NRP2: variants seen among roughly 807,000 people sequenced by gnomAD.
NRP2 encodes the protein neuropilin 2.
Under a neutral mutation model 110.4 loss-of-function variants are expected in NRP2, and 52 were observed. The observed-to-expected ratio is 0.47, with a 90% CI of 0.38 to 0.59. The LOEUF (loss-of-function observed/expected upper bound fraction) is 0.59. Ranked by LOEUF, NRP2 falls within the 20% of genes least tolerant of loss-of-function variation. NRP2 has a pLI of 0.00. For synonymous variants in NRP2, 508 were observed against 468.9 expected (o/e 1.08, Z -1.08); for missense variants, 1,049 against 1,203.0 (o/e 0.87, Z 1.89).
At chr2:205,720,600 A>C (rs1458529766) in intron 3 of NRP2, among the ~76,000 whole-genome samples, 2 of 152,118 alleles carry the variant, frequency 1.3e-5, no homozygotes, top group Non-Finnish European at 2.9e-5. Flanking sequence ...TTTCCTCACA[A>C]CCATGTGTGA....
chr2:205,696,982 G>T (rs2056442462), intron 1 of NRP2, among the ~76,000 whole-genome samples: 1 of 151,962 alleles, frequency 6.6e-6, no homozygotes, highest in Non-Finnish European at 1.5e-5. Context: ...CACCCTCCAG[G>T]GCCTGTTCTG....
chr2:205,786,056 T>C (rs1435180327), intron 15 of NRP2, among the ~76,000 whole-genome samples: 1 of 152,202 alleles, frequency 6.6e-6, no homozygotes, highest in Non-Finnish European at 1.5e-5. Flanking sequence ...CAGCAAGGAA[T>C]GAATGGCTCT....
chr2:205,766,017 G>T (rs1171924647), intron 14 of NRP2, among the ~76,000 whole-genome samples: 3 of 152,234 alleles, frequency 2.0e-5, no homozygotes, highest in African/African-American at 4.8e-5. Context: ...TATTTTACAT[G>T]AATGAATTGC....
intron 15 of NRP2, among the ~76,000 whole-genome samples, chr2:205,781,979 T>C (rs1198358269): frequency 6.6e-6 from 1 of 152,144 alleles, no homozygotes; most frequent in African/African-American, 2.4e-5. Context: ...GGCCAGAGTA[T>C]GTTTGCCCTG....
At chr2:205,764,073 C>G in intron 13 of NRP2, 137 bp downstream of exon 13, 1 of 1,104,166 alleles carries the variant, frequency 9.1e-7, no homozygotes, top group Non-Finnish European at 1.3e-6. Context: ...CTGAATGACA[C>G]TCTTATTTGT....
At chr2:205,692,684 C>G (rs896877068) in intron 1 of NRP2, among the ~76,000 whole-genome samples, 6 of 152,188 alleles carry the variant, frequency 3.9e-5, no homozygotes, top group Non-Finnish European at 8.8e-5. Context: ...TAATGCAAGA[C>G]AGACATGTTT....
At chr2:205,734,722 G>C (rs980180881) in intron 7 of NRP2, among the ~76,000 whole-genome samples, 6 of 152,240 alleles carry the variant, frequency 3.9e-5, no homozygotes, top group Admixed American at 3.3e-4. Flanking sequence ...GAGTGTCTGT[G>C]CCAAGTACAT....
chr2:205,753,413 T>A (rs2105898179), intron 12 of NRP2, among the ~76,000 whole-genome samples: 1 of 152,174 alleles, frequency 6.6e-6, no homozygotes, highest in East Asian at 1.9e-4. Flanking sequence ...TATACGTCTC[T>A]GAGGGTGCCA....
chr2:205,711,052 A>C (rs554764851), intron 2 of NRP2, among the ~76,000 whole-genome samples: 1 of 152,352 alleles, frequency 6.6e-6, no homozygotes, highest in East Asian at 1.9e-4. Flanking sequence ...GTTTTCAGAT[A>C]CAACCAGAAT....
chr2:205,795,232 G>C lies in NRP2; in HGVS notation c.*174G>C, dbSNP rs770325680. ...TCGCAGGAGGAAGGGAGATGCAGCC[G>C]CACAGGGGATGATTACCCTCCTAGG... On this transcript the variant is annotated 3_prime_UTR_variant, in exon 17 of 17. Coordinates refer to ENST00000357785, the MANE Select transcript of NRP2 (RefSeq NM_003872.3). 23 of 717,080 alleles carry C rather than the reference G, an allele frequency of 3.2e-5. No individual in the cohort carries two copies. Among genetic ancestry groups the C allele is most frequent in the Non-Finnish European group, 5.0e-5 (21 of 416,518 alleles). The allele number at this position is 717,080 out of a possible 1,614,324, so 44.4% of individuals were successfully genotyped here. A position where few individuals can be genotyped will look rare whatever the true frequency, so the allele number is the denominator to read the frequency against.
intron 2 of NRP2, among the ~76,000 whole-genome samples, chr2:205,704,646 C>G (rs191453209): frequency 4.7e-4 from 71 of 152,304 alleles, no homozygotes; most frequent in African/African-American, 1.6e-3. Flanking sequence ...TCTCCTCTTA[C>G]CAAGGTTAAA....
chr2:205,760,161 G>A (rs529154263), intron 12 of NRP2, among the ~76,000 whole-genome samples: 58 of 152,274 alleles, frequency 3.8e-4, no homozygotes, highest in African/African-American at 9.9e-4. Flanking sequence ...AAAGCCTCCC[G>A]TGTGATCGCG....
chr2:205,749,768 C>A lies in NRP2; in HGVS notation c.1830C>A (p.Ser610Arg), dbSNP rs200533161. The stretch of plus-strand genomic sequence containing the variant: ...AGACGCTGGGACCCACTGTGAAGAG[C>A]GAAGAGACAACCACCCCCTACCCCA... ...TVETLGPTVK[S>R]EETTTPYPTE... Residue 610 changes from serine (S) to arginine (R), a missense_variant, in exon 11 of 17, where the codon AGC (serine) becomes AGA (arginine). Transcript: ENST00000357785. 1.2e-6 allele frequency: 2 copies of A among 1,614,128 alleles called. No homozygotes were observed. Among genetic ancestry groups the A allele is most frequent in the East Asian group, 4.5e-5 (2 of 44,876 alleles).
At chr2:205,751,279 C>T (rs2057640486) in intron 11 of NRP2, among the ~76,000 whole-genome samples, 5 of 151,996 alleles carry the variant, frequency 3.3e-5, no homozygotes, top group Admixed American at 3.3e-4. Flanking sequence ...ATATGATTTT[C>T]CCGTTTCTAG....
chr2:205,788,339 C>T (rs769584292), intron 15 of NRP2, among the ~76,000 whole-genome samples: 2 of 152,166 alleles, frequency 1.3e-5, no homozygotes, highest in African/African-American at 4.8e-5. Context: ...AAAACCCCTT[C>T]CCATCATTCA....
In NRP2 at chr2:205,726,063, C is replaced by G. The variant is rs371668549; in HGVS notation, c.971C>G (p.Ser324Cys). ...DDNGWTPNLD[S>C]NKEYLQVDLR... ...AATGGCTGGACCCCCAACTTGGATT[C>G]CAACAAGGAGTATCTCCAGGTACTT... The change falls in exon 6 of 17, where the codon TCC (serine) becomes TGC (cysteine). Residue 324 changes from serine (S) to cysteine (C), a missense_variant. By Grantham distance (112) the Ser-to-Cys change is moderately radical. Transcript: ENST00000357785. 9.9e-6 allele frequency: 16 copies of G among 1,614,066 alleles called. No individual in the cohort carries two copies. The highest frequency in any genetic ancestry group is 2.2e-5 in the East Asian group (1 of 44,890).
Position 205,686,179 on chromosome 2 carries a change from TC to T in NRP2, c.73+2818del, listed in dbSNP as rs1364996472. ...CGAAAGCAAAACCGAGGCTGAAGCC[TC>T]CGCGAAGTTGGCCGCCTCCAACTAC... On this transcript the variant is annotated intron_variant, in intron 1 of 16. Transcript: ENST00000357785. The surrounding 1 kb of genome is among the most constrained non-coding windows in gnomAD (Gnocchi z 4.7). Among the ~76,000 whole-genome samples the T allele has an allele frequency of 6.6e-5, 10 of 152,048 alleles. No individual in the cohort carries two copies. Among genetic ancestry groups the T allele is most frequent in the Non-Finnish European group, 1.2e-4 (8 of 67,992 alleles).
intron 4 of NRP2, among the ~76,000 whole-genome samples, chr2:205,723,112 AC>A (rs949936945): frequency 2.6e-5 from 4 of 152,164 alleles, no homozygotes; most frequent in African/African-American, 9.7e-5. Flanking sequence ...CAAATCCCTT[AC>A]CCTATCTGTG....
rs755679361 is a variant in NRP2, at chr2:205,722,624, T to G, written c.580T>G (p.Phe194Val). Residue 194 changes from phenylalanine (F) to valine (V), a missense_variant, in exon 4 of 17, where the codon TTT becomes GTT. Transcript: ENST00000357785. ...GGAGATCATCCTGCAGTTCCTGATC[T>G]TTGACCTGGAGCATGACCCTTTGCA... ...KMEIILQFLI[F>V]DLEHDPLQVG... 1.9e-5 allele frequency: 30 copies of G among 1,614,080 alleles called. No homozygotes were observed. Among genetic ancestry groups the G allele is most frequent in the Non-Finnish European group, 2.4e-5 (28 of 1,180,038 alleles).
Sources: allele counts gnomAD v4.1 joint callset (sites outside exome capture counted in the v4.1 genomes callset), GRCh38; gene constraint gnomAD v4.1.1; non-coding constraint Gnocchi (gnomAD v3.1); transcripts MANE v1.5; gene names NCBI Gene and HGNC (gene_info 2026-07-23, HGNC 2026-07-21).